RALGPS2: variants seen among roughly 807,000 people sequenced by gnomAD.
RALGPS2 encodes ras-specific guanine nucleotide-releasing factor RalGPS2.
A neutral mutation model predicts 86.8 loss-of-function variants in RALGPS2; 43 were observed. The ratio of observed to expected loss-of-function variants is 0.50; its 90% CI spans 0.39 to 0.64. The LOEUF is 0.64. Ranked by LOEUF, RALGPS2 falls within the 30% of genes least tolerant of loss-of-function variation. The pLI is 0.00. For synonymous variants in RALGPS2, 243 were observed against 231.3 expected, an observed-to-expected ratio of 1.05 and a Z score of -0.46; for missense variants, 536 against 694.6, an observed-to-expected ratio of 0.77 and a Z score of 2.57.
chr1:178,734,268 G>GATGTGGCTTCTTTGGAAGACC (rs1650551564), intron 1 of RALGPS2, among the ~76,000 whole-genome samples: 1 of 152,208 alleles, frequency 6.6e-6, no homozygotes, highest in African/African-American at 2.4e-5. Flanking sequence ...AATGTAAATG[G>GATGTGGCTTCTTTGGAAGACC]ATGTGGCTTC....
chr1:178,815,284 C>T (rs1194755159), intron 6 of RALGPS2, among the ~76,000 whole-genome samples: 3 of 151,410 alleles, frequency 2.0e-5, no homozygotes, highest in African/African-American at 7.3e-5. Context: ...AGGGTTTTGC[C>T]ATGTTGGTCA....
At chr1:178,910,139 T>G (rs990771140) in intron 19 of RALGPS2, among the ~76,000 whole-genome samples, 1 of 152,230 alleles carries the variant, frequency 6.6e-6, no homozygotes, top group African/African-American at 2.4e-5. Flanking sequence ...TGAAGTTGTT[T>G]ATCAGATCTA....
chr1:178,727,112 A>G (rs966134395), intron 1 of RALGPS2, among the ~76,000 whole-genome samples: 2 of 152,274 alleles, frequency 1.3e-5, no homozygotes, highest in Non-Finnish European at 2.9e-5. Context: ...TAAGGGCATT[A>G]ATGCCATTTG....
At chr1:178,831,330 C>G (rs1255235245) in intron 7 of RALGPS2, among the ~76,000 whole-genome samples, 1 of 152,176 alleles carries the variant, frequency 6.6e-6, no homozygotes, top group Non-Finnish European at 1.5e-5. Context: ...TTCATTTATG[C>G]AGTTGCACAC....
At chr1:178,757,331 G>A (rs1204407685) in intron 1 of RALGPS2, among the ~76,000 whole-genome samples, 2 of 151,964 alleles carry the variant, frequency 1.3e-5, no homozygotes, top group African/African-American at 4.8e-5. Context: ...AGGACTTCCA[G>A]TACTATGTTA....
intron 8 of RALGPS2, among the ~76,000 whole-genome samples, chr1:178,876,346 C>T (rs749845864): frequency 7.2e-5 from 11 of 152,098 alleles, no homozygotes; most frequent in Non-Finnish European, 1.3e-4. Flanking sequence ...AGTGAAACGT[C>T]TGAGATCCAG....
chr1:178,790,473 A>G (rs148144136), intron 4 of RALGPS2, among the ~76,000 whole-genome samples: 1 of 152,330 alleles, frequency 6.6e-6, no homozygotes, highest in Non-Finnish European at 1.5e-5. Flanking sequence ...ATCACCATCC[A>G]GTATTGGTCT....
intron 10 of RALGPS2, among the ~76,000 whole-genome samples, chr1:178,881,599 C>T (rs1284109416): frequency 2.6e-5 from 4 of 151,970 alleles, no homozygotes; most frequent in Non-Finnish European, 4.4e-5. Context: ...TACAGGTGCC[C>T]GCCATCATGC....
chr1:178,734,192 T>C (rs1410078310), intron 1 of RALGPS2, among the ~76,000 whole-genome samples: 1 of 152,188 alleles, frequency 6.6e-6, no homozygotes, highest in Non-Finnish European at 1.5e-5. Context: ...ATGACTTGAA[T>C]GAAAAAGTTA....
intron 8 of RALGPS2, among the ~76,000 whole-genome samples, chr1:178,849,214 C>G (rs1165496657): frequency 6.6e-6 from 1 of 152,174 alleles, no homozygotes; most frequent in East Asian, 1.9e-4. Flanking sequence ...AGTGGTAGAG[C>G]TGGGCCACAG....
chr1:178,813,580 T>G (rs189964795), intron 6 of RALGPS2, among the ~76,000 whole-genome samples: 16 of 152,304 alleles, frequency 1.1e-4, no homozygotes, highest in East Asian at 3.9e-4. Context: ...TCCAGAGAGA[T>G]AGAACCGTAG....
At chr1:178,821,733 G>T in intron 7 of RALGPS2, 29 bp downstream of exon 7, 1 of 1,485,542 alleles carries the variant, frequency 6.7e-7, no homozygotes, top group Non-Finnish European at 9.3e-7. Flanking sequence ...TTAATGAAAG[G>T]TTAGACTTCC....
intron 1 of RALGPS2, among the ~76,000 whole-genome samples, chr1:178,736,165 GT>G (rs369513866): frequency 0.017 from 2,345 of 134,728 alleles, 53 homozygotes; most frequent in African/African-American, 0.056. Flanking sequence ...TTTGTGGGTT[GT>G]TTTTTTTTTT....
intron 14 of RALGPS2, among the ~76,000 whole-genome samples, chr1:178,891,349 G>A (rs1025246788): frequency 3.9e-5 from 6 of 152,062 alleles, no homozygotes; most frequent in Non-Finnish European, 7.4e-5. Context: ...ACTACTCATG[G>A]ATAGTGAACT....
intron 18 of RALGPS2, among the ~76,000 whole-genome samples, chr1:178,905,204 A>G (rs1487098196): frequency 6.6e-6 from 1 of 152,166 alleles, no homozygotes; most frequent in Admixed American, 6.5e-5. Context: ...TTTGAATTCA[A>G]AGCCCCAGCC....
rs968505648 is a variant in RALGPS2, at chr1:178,889,661, A to G, written c.1212A>G (p.Glu404=). 6.2e-7 allele frequency: 1 copy of G among 1,608,806 alleles called. No homozygotes were observed. Among genetic ancestry groups the G allele is most frequent in the African/African-American group, 1.3e-5 (1 of 74,662 alleles). ...GISIGSSDGS[E]LSEETSWPAF... ...TTTTAGGTAGCAGCGATGGTTCTGA[A>G]CTAAGTGAAGAGACCTCATGGCCTG... Residue 404 remains glutamate, a synonymous_variant, in exon 14 of 20, where the codon GAA becomes GAG. Coordinates refer to ENST00000367635, the MANE Select transcript of RALGPS2 (RefSeq NM_152663.5).
At chr1:178,753,636 C>T (rs1020202443) in intron 1 of RALGPS2, 2 of 151,978 alleles carry the variant, frequency 1.3e-5, no homozygotes, top group African/African-American at 2.4e-5. Context: ...TAATGTTCAC[C>T]GTAATACTCA....
At chr1:178,784,774 A>G (rs966968217) in intron 3 of RALGPS2, among the ~76,000 whole-genome samples, 2 of 152,068 alleles carry the variant, frequency 1.3e-5, no homozygotes, top group African/African-American at 4.8e-5. Context: ...TGTATTTACC[A>G]TTATGGTAAT....
intron 8 of RALGPS2, chr1:178,850,238 A>G (rs78990407): frequency 0.039 from 5,951 of 152,672 alleles, 181 homozygotes; most frequent in Middle Eastern, 0.058. Flanking sequence ...TGAATTGCAG[A>G]TTGGTTGGGT....
Sources: allele counts gnomAD v4.1 joint callset (sites outside exome capture counted in the v4.1 genomes callset), GRCh38; gene constraint gnomAD v4.1.1; transcripts MANE v1.5; gene names NCBI Gene and HGNC (gene_info 2026-07-23, HGNC 2026-07-21).